NBEA: variants seen among roughly 807,000 people sequenced by gnomAD.
NBEA encodes neurobeachin, also known as lysosomal-trafficking regulator 2.
A neutral mutation model predicts 343.4 loss-of-function variants in NBEA; 44 were observed. The observed-to-expected ratio is 0.13, with a 90% CI of 0.10 to 0.16. The LOEUF is 0.16. Among genes scored for constraint, NBEA ranks in the 10% least tolerant of loss-of-function variants. The pLI, the probability that NBEA is intolerant of heterozygous loss-of-function variation, is 1.00. For synonymous variants in NBEA, 1,175 were observed against 1,238.7 expected (o/e 0.95, Z 1.08); for missense variants, 2,555 against 3,631.3 (o/e 0.70, Z 7.62).
intron 49 of NBEA, among the ~76,000 whole-genome samples, chr13:35,643,339 C>T (rs531547067): frequency 3.9e-5 from 6 of 152,248 alleles, no homozygotes; most frequent in African/African-American, 1.4e-4. Flanking sequence ...ACACACTCAT[C>T]GTCTTTATTT....
In NBEA at chr13:35,438,115, GA is replaced by G. The variant is rs201460416; in HGVS notation, c.6304+5732del. Among the ~76,000 whole-genome samples the G allele has an allele frequency of 6.1e-5, 9 of 147,124 alleles. No individual in the cohort carries two copies. The East Asian group carries it at 7.9e-4, about 13-fold the overall frequency. On this transcript the variant is annotated intron_variant, in intron 39 of 58. Coordinates refer to ENST00000379939, the MANE Select transcript of NBEA (RefSeq NM_001385012.1). ...AGAGAGCAGACTGCTTCAGCCTGAGGAAAAAAAAAACATGGAGCAAAAATGA... is the reference window on the plus strand; with the variant it reads ...AGAGAGCAGACTGCTTCAGCCTGAGGAAAAAAAAACATGGAGCAAAAATGA...
At position 35,614,222 on chromosome 13, in the gene NBEA, G is replaced by A. The variant is rs1229964566; in HGVS notation, c.7449+7644G>A. Among the ~76,000 whole-genome samples, 29 of 151,990 alleles carry A rather than the reference G, an allele frequency of 1.9e-4. 1 individual carries two copies. The highest frequency in any genetic ancestry group is 1.8e-3 in the Admixed American group (27 of 15,246). ...TTTGTTTCCTTGTTGAGTAGTTTCGGTTCCTTGTATTATGGTTATCTTTCT... is the reference window on the plus strand; with the variant it reads ...TTTGTTTCCTTGTTGAGTAGTTTCGATTCCTTGTATTATGGTTATCTTTCT... On this transcript the variant is annotated intron_variant, in intron 48 of 58. Coordinates refer to ENST00000379939, the MANE Select transcript of NBEA (RefSeq NM_001385012.1).
chr13:35,365,917 A>G (rs115666470), intron 38 of NBEA, among the ~76,000 whole-genome samples: 1,657 of 151,640 alleles, frequency 0.011, 30 homozygotes, highest in African/African-American at 0.038. Flanking sequence ...ATTGTGGAGC[A>G]TTTTCTGATA....
intron 18 of NBEA, among the ~76,000 whole-genome samples, chr13:35,148,731 T>G (rs1405440886): frequency 1.3e-5 from 2 of 152,184 alleles, no homozygotes; most frequent in Non-Finnish European, 2.9e-5. Context: ...AAAATATTTA[T>G]CTATAGCTGG....
At chr13:35,086,377 C>T (rs977370945) in intron 10 of NBEA, among the ~76,000 whole-genome samples, 6 of 151,910 alleles carry the variant, frequency 3.9e-5, no homozygotes, top group African/African-American at 1.4e-4. Flanking sequence ...TGATATTAAA[C>T]ATGAGAACTT....
At chr13:35,064,930 A>T (rs2063596057) in intron 8 of NBEA, among the ~76,000 whole-genome samples, 1 of 151,020 alleles carries the variant, frequency 6.6e-6, no homozygotes, top group South Asian at 2.1e-4. Flanking sequence ...TAAGCCATCC[A>T]GCCTCTGATT....
intron 35 of NBEA, among the ~76,000 whole-genome samples, chr13:35,295,053 T>TA (rs550152360): frequency 0.041 from 5,695 of 138,136 alleles, 125 homozygotes; most frequent in South Asian, 0.083. Flanking sequence ...GCTGATGAAC[T>TA]AAAAAAAAAA....
intron 39 of NBEA, among the ~76,000 whole-genome samples, chr13:35,437,211 A>C (rs1357458246): frequency 6.6e-6 from 1 of 152,136 alleles, no homozygotes; most frequent in Non-Finnish European, 1.5e-5. Context: ...ACATTTAGCC[A>C]TCATTTGGAT....
intron 13 of NBEA, among the ~76,000 whole-genome samples, chr13:35,114,673 C>G (rs1408846395): frequency 1.3e-5 from 2 of 152,148 alleles, no homozygotes; most frequent in East Asian, 3.9e-4. Context: ...CTCACTGGCT[C>G]TAGCTACATC....
At chr13:35,445,985 G>A (rs964256304) in intron 39 of NBEA, among the ~76,000 whole-genome samples, 30 of 147,950 alleles carry the variant, frequency 2.0e-4, no homozygotes, top group Non-Finnish European at 3.0e-4. Context: ...CCCCACAACA[G>A]GCCCCAGTGT....
chr13:35,401,311 G>C (rs1302447668), intron 38 of NBEA, among the ~76,000 whole-genome samples: 1 of 151,920 alleles, frequency 6.6e-6, no homozygotes, highest in African/African-American at 2.4e-5. Flanking sequence ...GAGCTAACGT[G>C]CTTAACATCC....
chr13:35,519,368 G>A (rs1164529316), intron 41 of NBEA, among the ~76,000 whole-genome samples: 1 of 152,004 alleles, frequency 6.6e-6, no homozygotes, highest in Non-Finnish European at 1.5e-5. Context: ...CTAATTTTAT[G>A]TTTCAACTTA....
chr13:35,427,890 G>A (rs529067761), intron 38 of NBEA, among the ~76,000 whole-genome samples: 2 of 152,308 alleles, frequency 1.3e-5, no homozygotes, highest in South Asian at 4.1e-4. Flanking sequence ...AGACTGCTGT[G>A]CTAGCAATGA....
chr13:35,247,761 A>G (rs890736508), intron 34 of NBEA, among the ~76,000 whole-genome samples: 4 of 152,076 alleles, frequency 2.6e-5, no homozygotes, highest in African/African-American at 7.2e-5. Flanking sequence ...TGCTCTGTCT[A>G]TCCAAGTAGA....
chr13:35,567,147 G>T, intron 45 of NBEA, 130 bp downstream of exon 45: 1 of 502,056 alleles, frequency 2.0e-6, no homozygotes, highest in South Asian at 3.2e-5. Context: ...TACATAGTCA[G>T]TTTCTAAATC....
intron 40 of NBEA, among the ~76,000 whole-genome samples, chr13:35,456,676 T>A (rs1387567703): frequency 1.3e-5 from 2 of 151,948 alleles, no homozygotes; most frequent in Non-Finnish European, 2.9e-5. Context: ...AATTGGTAAG[T>A]GAAGGATTTA....
At chr13:34,963,735 T>C (rs1924318) in intron 1 of NBEA, among the ~76,000 whole-genome samples, 19,701 of 151,522 alleles carry the variant, frequency 0.13, 1,830 homozygotes, top group East Asian at 0.45. Flanking sequence ...TATTCTCACA[T>C]GCCTTCATCT....
intron 18 of NBEA, among the ~76,000 whole-genome samples, chr13:35,153,098 T>G (rs1358801606): frequency 1.3e-5 from 2 of 149,652 alleles, no homozygotes; most frequent in African/African-American, 4.9e-5. Context: ...AGTGGCGTGA[T>G]CTCGGCTCAC....
At chr13:34,988,285 T>C (rs892595326) in intron 1 of NBEA, among the ~76,000 whole-genome samples, 2 of 151,064 alleles carry the variant, frequency 1.3e-5, no homozygotes, top group African/African-American at 4.8e-5. Context: ...GTCTGTTCTC[T>C]GAGCTCAAAC....
Sources: allele counts gnomAD v4.1 joint callset (sites outside exome capture counted in the v4.1 genomes callset), GRCh38; gene constraint gnomAD v4.1.1; transcripts MANE v1.5; gene names NCBI Gene and HGNC (gene_info 2026-07-23, HGNC 2026-07-21).